Variants in SPATA16 observed in about 807,000 individuals in gnomAD.
SPATA16 encodes the protein spermatogenesis-associated protein 16.
A neutral mutation model predicts 63.3 loss-of-function variants in SPATA16; 36 were observed. The observed-to-expected ratio is 0.57, with a 90% CI of 0.44 to 0.75. The LOEUF is 0.75. SPATA16 is among the 30% of genes least tolerant of loss of function. The pLI, the probability that SPATA16 is intolerant of heterozygous loss-of-function variation, is 0.00. For synonymous variants in SPATA16, 203 were observed against 216.7 expected, an observed-to-expected ratio of 0.94 and a Z score of 0.56; for missense variants, 646 against 679.3, an observed-to-expected ratio of 0.95 and a Z score of 0.54.
At chr3:173,057,892 A>T (rs186704738) in intron 2 of SPATA16, among the ~76,000 whole-genome samples, 102 of 152,288 alleles carry the variant, frequency 6.7e-4, no homozygotes, top group African/African-American at 2.4e-3. Flanking sequence ...ATATTTAACA[A>T]AGTCTTGGTC....
chr3:172,948,924 A>G (rs181986313), intron 6 of SPATA16, among the ~76,000 whole-genome samples: 2 of 152,344 alleles, frequency 1.3e-5, no homozygotes, highest in Admixed American at 6.5e-5. Flanking sequence ...CATCTACTCT[A>G]TGATTTCAGG....
At chr3:172,999,509 G>A (rs1447115431) in intron 4 of SPATA16, among the ~76,000 whole-genome samples, 1 of 152,020 alleles carries the variant, frequency 6.6e-6, no homozygotes, top group Admixed American at 6.6e-5. Flanking sequence ...TACCTCCCTG[G>A]TTCAAGTGAT....
chr3:172,890,810 CT>C, intron 10 of SPATA16, among the ~76,000 whole-genome samples: 2 of 150,928 alleles, frequency 1.3e-5, no homozygotes, highest in South Asian at 4.2e-4. Context: ...TTTTGAAACC[CT>C]TGTAAAAACT....
At chr3:172,927,151 A>T (rs367917783) in intron 6 of SPATA16, among the ~76,000 whole-genome samples, 16 of 152,288 alleles carry the variant, frequency 1.1e-4, no homozygotes, top group African/African-American at 3.8e-4. Flanking sequence ...ATTAAAAGCC[A>T]ATAAAAAGTA....
intron 2 of SPATA16, among the ~76,000 whole-genome samples, chr3:173,065,266 T>G (rs1333874203): frequency 6.6e-6 from 1 of 152,088 alleles, no homozygotes; most frequent in African/African-American, 2.4e-5. Flanking sequence ...AACACTTTTT[T>G]TTTTTTAAAG....
At chr3:172,893,595 A>G (rs898677094) in intron 10 of SPATA16, among the ~76,000 whole-genome samples, 1 of 152,252 alleles carries the variant, frequency 6.6e-6, no homozygotes, top group Non-Finnish European at 1.5e-5. Flanking sequence ...CTACTAAGCC[A>G]TAAAGTGAAG....
intron 4 of SPATA16, among the ~76,000 whole-genome samples, chr3:173,001,016 C>T (rs1462967709): frequency 6.6e-6 from 1 of 152,166 alleles, no homozygotes; most frequent in Non-Finnish European, 1.5e-5. Flanking sequence ...TCCAGCATTC[C>T]TGCCATGTCT....
intron 6 of SPATA16, among the ~76,000 whole-genome samples, chr3:172,935,255 A>G (rs1732955942): frequency 6.6e-6 from 1 of 152,336 alleles, no homozygotes; most frequent in Non-Finnish European, 1.5e-5. Flanking sequence ...GCTTGAGGCC[A>G]GGAGTTCAAT....
intron 3 of SPATA16, among the ~76,000 whole-genome samples, chr3:173,022,920 AAGG>A (rs2108278552): frequency 6.6e-6 from 1 of 152,204 alleles, no homozygotes; most frequent in Non-Finnish European, 1.5e-5. Flanking sequence ...GTCAGAAGAA[AAGG>A]AGTTAGTAAT....
intron 5 of SPATA16, among the ~76,000 whole-genome samples, chr3:172,976,390 A>T (rs1461991163): frequency 6.6e-6 from 1 of 152,094 alleles, no homozygotes; most frequent in Non-Finnish European, 1.5e-5. Flanking sequence ...TATAAATGAG[A>T]TTGAACTAAT....
chr3:173,086,306 T>C (rs1174394450), intron 2 of SPATA16, among the ~76,000 whole-genome samples: 2 of 152,162 alleles, frequency 1.3e-5, no homozygotes, highest in African/African-American at 4.8e-5. Context: ...TTCTAGACTT[T>C]CCAGTTTATT....
intron 2 of SPATA16, among the ~76,000 whole-genome samples, chr3:173,084,950 G>A (rs571465067): frequency 2.6e-4 from 40 of 152,234 alleles, no homozygotes; most frequent in South Asian, 2.3e-3. Context: ...GTTGGATAGC[G>A]TGATGCCTCC....
chr3:173,113,660 G>A (rs1737808755), intron 2 of SPATA16, among the ~76,000 whole-genome samples: 1 of 152,150 alleles, frequency 6.6e-6, no homozygotes, highest in Non-Finnish European at 1.5e-5. Flanking sequence ...AAAGGAGTTA[G>A]TACTTTGTCA....
rs140170097 is a variant in SPATA16 at position 173,081,953 on chromosome 3, G to A, written c.613-32859C>T. Among the ~76,000 whole-genome samples the A allele has an allele frequency of 3.2e-3, 489 of 152,184 alleles. 6 individuals carry two copies. The highest frequency in any genetic ancestry group is 0.011 in the African/African-American group (464 of 41,530). On this transcript the variant is annotated intron_variant, in intron 2 of 10. Transcript: ENST00000351008. Reference sequence around the variant, plus strand: ...ATGCAACTGTTTCTTGAATTTCATCGAATGCATTTTTGACACTTATTAAGA... The same window carrying A: ...ATGCAACTGTTTCTTGAATTTCATCAAATGCATTTTTGACACTTATTAAGA...
chr3:172,921,284 G>A (rs566232391), intron 8 of SPATA16, among the ~76,000 whole-genome samples: 169 of 152,246 alleles, frequency 1.1e-3, no homozygotes, highest in African/African-American at 3.8e-3. Context: ...TAAAGCCTTA[G>A]CCACTAGTAT....
chr3:173,104,639 A>G (rs1191621523), intron 2 of SPATA16, among the ~76,000 whole-genome samples: 1 of 152,178 alleles, frequency 6.6e-6, no homozygotes, highest in Non-Finnish European at 1.5e-5. Flanking sequence ...ACACCAAGCC[A>G]TGACCCAAAC....
chr3:173,022,748 A>T (rs1365466060), intron 3 of SPATA16, among the ~76,000 whole-genome samples: 1 of 152,068 alleles, frequency 6.6e-6, no homozygotes, highest in Non-Finnish European at 1.5e-5. Flanking sequence ...TACAGTGAAA[A>T]AAAAAAAAAC....
rs555008655 is a variant in SPATA16 at position 172,909,738 on chromosome 3, A to G, written c.1587+3923T>C. 2.0e-5 allele frequency among the ~76,000 whole-genome samples: 3 copies of G among 152,338 alleles called. No homozygotes were observed. The East Asian group carries it at 5.8e-4, about 29-fold the overall frequency. On this transcript the variant is annotated intron_variant, in intron 10 of 10. Coordinates refer to ENST00000351008, the MANE Select transcript of SPATA16 (RefSeq NM_031955.6). Reference sequence around the variant, plus strand: ...AGGAGTTTGGTCAACTCAAAGAACTAACTGTGAGATAATTTTGAATTGTTG... The same window carrying G: ...AGGAGTTTGGTCAACTCAAAGAACTGACTGTGAGATAATTTTGAATTGTTG...
intron 6 of SPATA16, among the ~76,000 whole-genome samples, chr3:172,938,275 TC>T (rs1360188218): frequency 6.6e-6 from 1 of 152,142 alleles, no homozygotes; most frequent in Non-Finnish European, 1.5e-5. Flanking sequence ...GAAGGACTTG[TC>T]CCCGTGATTT....
Sources: gnomAD v4.1 joint callset for allele counts (sites outside exome capture counted in the v4.1 genomes callset) on GRCh38, gnomAD v4.1.1 for gene constraint, MANE v1.5 for transcripts, NCBI Gene and HGNC (gene_info 2026-07-23, HGNC 2026-07-21) for gene names.